FANCB: variants seen among roughly 807,000 people sequenced by gnomAD.
FANCB encodes the protein Fanconi anemia group B protein.
In FANCB, 5 loss-of-function variants were observed where a neutral mutation model predicts 38.9. The ratio of observed to expected loss-of-function variants is 0.13; its 90% confidence interval spans 0.07 to 0.27. FANCB has a LOEUF of 0.27. Among genes scored for constraint, FANCB ranks in the 10% least tolerant of loss-of-function variants. The probability of loss-of-function intolerance (pLI) is 1.00; values close to 1 mark genes in which losing one functional copy is unlikely to be tolerated. For synonymous variants in FANCB, 236 were observed against 215.4 expected, an observed-to-expected ratio of 1.10 and a Z score of -0.84; for missense variants, 573 against 602.7, an observed-to-expected ratio of 0.95 and a Z score of 0.52.
chrX:14,777,266 G>A, the FANCB span, among the ~76,000 whole-genome samples: 1 of 112,134 alleles, frequency 8.9e-6, no homozygotes, highest in Admixed American at 9.4e-5. Flanking sequence ...TAAATTAGCT[G>A]ATTTTTCACA....
At chrX:14,822,241 G>A in the FANCB span, among the ~76,000 whole-genome samples, 1 of 110,700 alleles carries the variant, frequency 9.0e-6, no homozygotes, top group Non-Finnish European at 1.9e-5. Flanking sequence ...AAGGGTGACA[G>A]GTTTCTCTGT....
At chrX:14,836,562 G>A (rs750277061) in intron 10 of FANCB, among the ~76,000 whole-genome samples, 8 of 111,387 alleles carry the variant, frequency 7.2e-5, no homozygotes, top group South Asian at 3.8e-4. Flanking sequence ...TTACAGTTCC[G>A]CAATAAAATA....
chrX:14,695,488 G>C, the FANCB span, among the ~76,000 whole-genome samples: 1 of 112,192 alleles, frequency 8.9e-6, no homozygotes, highest in Admixed American at 9.4e-5. Context: ...GTCAGGGTTG[G>C]CATTACATGG....
chrX:14,809,575 A>T, the FANCB span, among the ~76,000 whole-genome samples: 2 of 111,988 alleles, frequency 1.8e-5, no homozygotes, highest in African/African-American at 6.5e-5. Flanking sequence ...GTCTCGCTGA[A>T]TGCTAGCACA....
At chrX:14,705,830 AATGTTGAC>A in the FANCB span, among the ~76,000 whole-genome samples, 1 of 111,896 alleles carries the variant, frequency 8.9e-6, no homozygotes, top group Non-Finnish European at 1.9e-5. Flanking sequence ...TGCTTTTCAA[AATGTTGAC>A]ATGTTGACAT....
chrX:14,790,658 T>C, the FANCB span, among the ~76,000 whole-genome samples: 7 of 112,304 alleles, frequency 6.2e-5, no homozygotes, highest in Non-Finnish European at 1.3e-4. Flanking sequence ...GTTGTCCTAC[T>C]GAATTGAGAT....
the FANCB span, among the ~76,000 whole-genome samples, chrX:14,775,171 T>G: frequency 4.2e-5 from 4 of 95,414 alleles, no homozygotes; most frequent in African/African-American, 1.5e-4. Flanking sequence ...TTTTTTTTTT[T>G]TTTTTTTTTT....
chrX:14,757,638 C>A, the FANCB span, among the ~76,000 whole-genome samples: 3 of 111,471 alleles, frequency 2.7e-5, no homozygotes, highest in South Asian at 1.1e-3. Flanking sequence ...TTTAGAGAGC[C>A]GAACAAAGTA....
the FANCB span, among the ~76,000 whole-genome samples, chrX:14,809,864 G>A: frequency 7.1e-5 from 8 of 112,477 alleles, no homozygotes; most frequent in East Asian, 2.8e-4. Flanking sequence ...ATCTGAGAAC[G>A]GGCAGACTGC....
chrX:14,829,149 A>G, the FANCB span, among the ~76,000 whole-genome samples: 1 of 111,876 alleles, frequency 8.9e-6, no homozygotes, highest in Non-Finnish European at 1.9e-5. Flanking sequence ...TAGCCTTACA[A>G]GATGTATTTG....
chrX:14,837,637 C>T (rs916617423), intron 10 of FANCB, among the ~76,000 whole-genome samples: 2 of 112,464 alleles, frequency 1.8e-5, no homozygotes, highest in Non-Finnish European at 3.8e-5. Flanking sequence ...CAGATTTATA[C>T]TTTTATAGAA....
At chrX:14,720,321 A>G in the FANCB span, among the ~76,000 whole-genome samples, 1 of 111,780 alleles carries the variant, frequency 8.9e-6, no homozygotes, top group African/African-American at 3.3e-5. Flanking sequence ...TTATGTGTCC[A>G]TTAAAATATA....
At position 14,844,656 on chromosome X, in the gene FANCB, G is replaced by A; in HGVS notation, c.2012C>T (p.Ser671Leu). The change falls in exon 9 of 10, where the codon TCA (serine) becomes TTA (leucine). Residue 671 changes from serine (S) to leucine (L), a missense_variant. Ser to Leu is a moderately radical substitution (Grantham distance 145). Coordinates refer to ENST00000650831, the MANE Select transcript of FANCB (RefSeq NM_001018113.3). The part of the protein sequence containing the change: ...QITSPGYALN[S>L]MKVWLLEHMK... ...ATGTTCTAAGAGCCACACCTTCATT[G>A]AATTCAGGGCATAGCCGGGTGATGT... 8.3e-7 allele frequency: 1 copy of A among 1,210,009 alleles called. No homozygotes were observed. Among genetic ancestry groups the A allele is most frequent in the Non-Finnish European group, 1.1e-6 (1 of 894,050 alleles).
chrX:14,770,544 G>A, the FANCB span, among the ~76,000 whole-genome samples: 1 of 111,862 alleles, frequency 8.9e-6, no homozygotes, highest in African/African-American at 3.3e-5. Flanking sequence ...CACGAGATGG[G>A]TCTCTTGAAG....
the FANCB span, among the ~76,000 whole-genome samples, chrX:14,788,755 G>A: frequency 1.8e-5 from 2 of 112,042 alleles, no homozygotes; most frequent in Admixed American, 1.9e-4. Flanking sequence ...CATTTGAAGG[G>A]CTCAAGAGCC....
the FANCB span, among the ~76,000 whole-genome samples, chrX:14,735,619 A>G: frequency 2.7e-5 from 3 of 111,790 alleles, no homozygotes; most frequent in Non-Finnish European, 5.7e-5. Context: ...TTCGTCCCAG[A>G]GGGGCACCTG....
chrX:14,821,140 A>T, the FANCB span, among the ~76,000 whole-genome samples: 10 of 111,397 alleles, frequency 9.0e-5, no homozygotes, highest in Non-Finnish European at 1.7e-4. Flanking sequence ...TTTTTGCTAT[A>T]AAGATAAAAG....
chrX:14,707,483 G>A, the FANCB span, among the ~76,000 whole-genome samples: 1 of 110,819 alleles, frequency 9.0e-6, no homozygotes, highest in Non-Finnish European at 1.9e-5. Context: ...TGAGAATATT[G>A]CATGATACAG....
At chrX:14,857,331 G>A (rs902972313) in intron 5 of FANCB, among the ~76,000 whole-genome samples, 2 of 111,854 alleles carry the variant, frequency 1.8e-5, no homozygotes, top group African/African-American at 6.5e-5. Flanking sequence ...TGTTAAAATT[G>A]GTTATTGCAA....
Sources: gnomAD v4.1 joint callset for allele counts (sites outside exome capture counted in the v4.1 genomes callset) on GRCh38, gnomAD v4.1.1 for gene constraint, MANE v1.5 for transcripts, NCBI Gene and HGNC (gene_info 2026-07-23, HGNC 2026-07-21) for gene names.